Variants in MARCHF1 observed in about 807,000 individuals in gnomAD.
MARCHF1 encodes the protein membrane associated ring-CH-type finger 1.
MARCHF1 carries 40 observed loss-of-function variants against 54.2 expected under a neutral mutation model. The observed-to-expected ratio is 0.74, with a 90% confidence interval of 0.57 to 0.96. The LOEUF is 0.96. Among genes scored for constraint, MARCHF1 ranks in the 40% least tolerant of loss-of-function variants. The pLI is 0.00. For missense variants in MARCHF1, 586 were observed against 656.5 expected, an observed-to-expected ratio of 0.89 and a Z score of 1.17; for synonymous variants, 236 against 236.3, an observed-to-expected ratio of 1.00 and a Z score of 0.01.
intron 7 of MARCHF1, among the ~76,000 whole-genome samples, chr4:163,602,269 C>T (rs1579102240): frequency 6.6e-6 from 1 of 151,920 alleles, no homozygotes; most frequent in Admixed American, 6.6e-5. Context: ...AAGCACAGTA[C>T]CATAGGGTAT....
intron 8 of MARCHF1, among the ~76,000 whole-genome samples, chr4:163,560,554 A>C (rs1041500662): frequency 2.6e-5 from 4 of 152,162 alleles, no homozygotes; most frequent in Non-Finnish European, 4.4e-5. Context: ...ATTTATTTTA[A>C]AAATTCATGC....
chr4:163,791,849 T>G (rs1448958572), intron 4 of MARCHF1, among the ~76,000 whole-genome samples: 1 of 152,176 alleles, frequency 6.6e-6, no homozygotes, highest in Non-Finnish European at 1.5e-5. Flanking sequence ...ATTCCATGTA[T>G]TTTGCTTACA....
chr4:163,708,479 T>C (rs1275972140), intron 4 of MARCHF1, among the ~76,000 whole-genome samples: 1 of 152,150 alleles, frequency 6.6e-6, no homozygotes, highest in African/African-American at 2.4e-5. Context: ...CAATAAAGAA[T>C]TGTTAAGTAA....
chr4:163,818,099 C>T (rs1467854670), intron 4 of MARCHF1, among the ~76,000 whole-genome samples: 9 of 151,502 alleles, frequency 5.9e-5, no homozygotes, highest in Admixed American at 4.0e-4. Context: ...TACCCTAAAA[C>T]TTAAAGTATA....
chr4:163,808,551 GA>G (rs1748292006), intron 4 of MARCHF1, among the ~76,000 whole-genome samples: 1 of 152,080 alleles, frequency 6.6e-6, no homozygotes, highest in Admixed American at 6.6e-5. Flanking sequence ...AAAGACACAT[GA>G]AAATGCATTG....
intron 2 of MARCHF1, among the ~76,000 whole-genome samples, chr4:164,091,586 G>C (rs1287729910): frequency 1.3e-5 from 2 of 151,500 alleles, no homozygotes. Flanking sequence ...AGCAAATATT[G>C]GCTTGAAATA....
At chr4:163,889,934 T>C (rs1750621934) in intron 3 of MARCHF1, among the ~76,000 whole-genome samples, 1 of 146,080 alleles carries the variant, frequency 6.8e-6, no homozygotes, top group Non-Finnish European at 1.5e-5. Flanking sequence ...TTCTTTTTTT[T>C]TTTTTTTTGA....
At chr4:164,343,873 G>T (rs1192736288) in intron 1 of MARCHF1, among the ~76,000 whole-genome samples, 1 of 151,844 alleles carries the variant, frequency 6.6e-6, no homozygotes, top group Non-Finnish European at 1.5e-5. Flanking sequence ...CTCATTATTG[G>T]GTATATACTC....
At chr4:164,368,568 A>G (rs1235637963) in intron 1 of MARCHF1, among the ~76,000 whole-genome samples, 1 of 152,142 alleles carries the variant, frequency 6.6e-6, no homozygotes, top group Non-Finnish European at 1.5e-5. Flanking sequence ...AAAATACAAG[A>G]TTTCATTTCT....
chr4:163,868,987 A>G (rs777079005), intron 3 of MARCHF1, among the ~76,000 whole-genome samples: 35 of 149,600 alleles, frequency 2.3e-4, no homozygotes, highest in South Asian at 4.3e-4. Flanking sequence ...CTAATATTTA[A>G]TAGACCATTT....
chr4:163,569,257 A>G (rs914213273), intron 8 of MARCHF1, among the ~76,000 whole-genome samples: 9 of 152,098 alleles, frequency 5.9e-5, no homozygotes, highest in African/African-American at 2.2e-4. Flanking sequence ...TGGGAATGCT[A>G]CAGTTCAATC....
At chr4:164,203,290 G>A (rs1029300714) in intron 1 of MARCHF1, among the ~76,000 whole-genome samples, 10 of 151,274 alleles carry the variant, frequency 6.6e-5, no homozygotes, top group Non-Finnish European at 1.2e-4. Flanking sequence ...GAGGGATAGG[G>A]GTGTGTGGCT....
intron 4 of MARCHF1, among the ~76,000 whole-genome samples, chr4:163,800,035 C>T (rs548576107): frequency 8.5e-5 from 13 of 152,100 alleles, no homozygotes; most frequent in South Asian, 6.2e-4. Context: ...AATGCAGGAA[C>T]GGAAAACCAA....
intron 3 of MARCHF1, among the ~76,000 whole-genome samples, chr4:163,867,464 G>C (rs532591722): frequency 1.3e-5 from 2 of 151,512 alleles, no homozygotes; most frequent in Non-Finnish European, 2.9e-5. Context: ...CCATAATATA[G>C]TAGAATTTAC....
At chr4:164,188,866 G>A in intron 1 of MARCHF1, 3 of 780,340 alleles carry the variant, frequency 3.8e-6, no homozygotes, top group East Asian at 4.8e-5. Flanking sequence ...ATTTGAGAAA[G>A]AAGTTTACCC....
intron 8 of MARCHF1, among the ~76,000 whole-genome samples, chr4:163,552,619 G>A (rs1106091): frequency 0.72 from 109,626 of 152,050 alleles, 39,897 homozygotes; most frequent in East Asian, 0.9. Flanking sequence ...TGTTTGACAG[G>A]ATCATTTGGG....
At chr4:163,630,259 A>C (rs1053574636) in intron 5 of MARCHF1, among the ~76,000 whole-genome samples, 2 of 138,946 alleles carry the variant, frequency 1.4e-5, no homozygotes, top group Non-Finnish European at 1.5e-5. Context: ...CTCAGCAATA[A>C]AAAGAAAAAA....
intron 1 of MARCHF1, among the ~76,000 whole-genome samples, chr4:164,375,127 C>T (rs752371301): frequency 3.1e-4 from 47 of 152,112 alleles, no homozygotes; most frequent in Non-Finnish European, 5.4e-4. Context: ...GGCAATTTAA[C>T]TTCATTAAAA....
chr4:164,186,781 T>C (rs1730981793), intron 1 of MARCHF1, among the ~76,000 whole-genome samples: 2 of 152,194 alleles, frequency 1.3e-5, no homozygotes, highest in South Asian at 4.1e-4. Flanking sequence ...CTAGATATTA[T>C]CAGGTTCTTT....
Sources: gnomAD v4.1 joint callset for allele counts (sites outside exome capture counted in the v4.1 genomes callset) on GRCh38, gnomAD v4.1.1 for gene constraint, MANE v1.5 for transcripts, NCBI Gene and HGNC (gene_info 2026-07-23, HGNC 2026-07-21) for gene names.